Variants in ANKRD42 observed in about 807,000 individuals in gnomAD.
The protein encoded by ANKRD42 is ankyrin repeat domain-containing protein 42.
Under a neutral mutation model 51.5 loss-of-function variants are expected in ANKRD42, and 43 were observed. The observed-to-expected ratio is 0.83, with a 90% CI of 0.65 to 1.08. The LOEUF (loss-of-function observed/expected upper bound fraction) is 1.08, where lower values mean the gene tolerates loss of function less well. Ranked by LOEUF, ANKRD42 falls within the 50% of genes least tolerant of loss-of-function variation. The pLI, the probability that ANKRD42 is intolerant of heterozygous loss-of-function variation, is 0.00. For synonymous variants in ANKRD42, 203 were observed against 213.0 expected, an observed-to-expected ratio of 0.95 and a Z score of 0.41; for missense variants, 608 against 629.3, an observed-to-expected ratio of 0.97 and a Z score of 0.36.
In ANKRD42 at chr11:83,194,722, A is replaced by C; in HGVS notation, c.52A>C (p.Asn18His). ...GPSTSSRETANPCSRKKVHFG... is the reference protein window; with the variant it reads ...GPSTSSRETAHPCSRKKVHFG... ...CTCCACTTCCTCTAGGGAGACTGCAAACCCCTGTGAGTCAGACTGTCATTG... is the reference window on the plus strand; with the variant it reads ...CTCCACTTCCTCTAGGGAGACTGCACACCCCTGTGAGTCAGACTGTCATTG... The change falls in exon 1 of 11, where the codon AAC becomes CAC. Residue 18 changes from asparagine (N) to histidine (H), a missense_variant. Physicochemically the swap from Asn to His is moderately conservative, Grantham distance 68. Transcript: ENST00000533342. 1 of 1,592,944 alleles carries C rather than the reference A, an allele frequency of 6.3e-7. No individual in the cohort carries two copies. The highest frequency in any genetic ancestry group is 8.5e-7 in the Non-Finnish European group (1 of 1,169,930).
chr11:83,222,946 C>G (rs1862758414), intron 5 of ANKRD42, among the ~76,000 whole-genome samples: 1 of 152,038 alleles, frequency 6.6e-6, no homozygotes, highest in African/African-American at 2.4e-5. Context: ...TGATCTGACC[C>G]ATGTTTAAAG....
At chr11:83,242,504 G>C (rs1344478517) in intron 9 of ANKRD42, among the ~76,000 whole-genome samples, 1 of 150,310 alleles carries the variant, frequency 6.7e-6, no homozygotes, top group Non-Finnish European at 1.5e-5. Flanking sequence ...TGAGGTGTTA[G>C]AAAAAGAGGG....
At chr11:83,227,648 A>G in intron 6 of ANKRD42, 99 bp from the exon 7 acceptor site, 1 of 1,309,050 alleles carries the variant, frequency 7.6e-7, no homozygotes, top group Non-Finnish European at 1.0e-6. Flanking sequence ...ACAGCCTTAT[A>G]TTTGAGAAAA....
intron 2 of ANKRD42, among the ~76,000 whole-genome samples, chr11:83,200,620 A>G (rs915183801): frequency 5.3e-5 from 8 of 152,242 alleles, no homozygotes; most frequent in Non-Finnish European, 8.8e-5. Flanking sequence ...TCACTAGGTC[A>G]GTTGATTCTG....
chr11:83,219,478 G>A (rs1362060147), intron 5 of ANKRD42, among the ~76,000 whole-genome samples: 10 of 152,174 alleles, frequency 6.6e-5, no homozygotes, highest in East Asian at 1.9e-4. Flanking sequence ...GACAGGAGGC[G>A]TATAGTAAGT....
chr11:83,253,115 T>G (rs1040502262), downstream of ANKRD42, among the ~76,000 whole-genome samples: 5 of 152,224 alleles, frequency 3.3e-5, no homozygotes, highest in Admixed American at 3.3e-4. Context: ...AAGGTTGAAC[T>G]TTGATGTGGT....
downstream of ANKRD42, among the ~76,000 whole-genome samples, chr11:83,249,210 T>G (rs991986571): frequency 6.6e-6 from 1 of 152,094 alleles, no homozygotes. Context: ...TTGTTCTTCG[T>G]TTTTTCTTTT....
chr11:83,239,723 C>T (rs1863332200), intron 8 of ANKRD42, among the ~76,000 whole-genome samples: 1 of 152,096 alleles, frequency 6.6e-6, no homozygotes. Context: ...CTATTTTATC[C>T]ATTGGTCTAT....
At chr11:83,257,414 T>C (rs1319800434), downstream of ANKRD42, 5 of 436,592 alleles carry the variant, frequency 1.1e-5, no homozygotes, top group Admixed American at 1.3e-4. Context: ...AAAGAGGGAA[T>C]TGAAGTCAGA....
intron 8 of ANKRD42, among the ~76,000 whole-genome samples, chr11:83,238,642 C>A (rs1284557048): frequency 6.6e-6 from 1 of 152,000 alleles, no homozygotes; most frequent in African/African-American, 2.4e-5. Context: ...ATCAGGCTGA[C>A]CAACATGGAG....
downstream of ANKRD42, among the ~76,000 whole-genome samples, chr11:83,252,355 A>C (rs183975445): frequency 6.6e-6 from 1 of 152,332 alleles, no homozygotes; most frequent in East Asian, 1.9e-4. Flanking sequence ...TGGAATTAGT[A>C]CATGTTTCTT....
chr11:83,254,435 CT>C lies in ANKRD42; in HGVS notation c.1465-1396del, dbSNP rs1296141872. The stretch of plus-strand genomic sequence containing the variant: ...CCTGAGTGTTTTTCTTTTTTCTTTT[CT>C]TTTTTTTTTTTTTGAGACAGGGTCT... On this transcript the variant is annotated intron_variant, in intron 11 of 11. Coordinates refer to the ANKRD42 transcript ENST00000260047. 6.4e-4 allele frequency among the ~76,000 whole-genome samples: 87 copies of C among 136,270 alleles called. No individual in the cohort carries two copies. The South Asian group carries it at 7.0e-3, about 11-fold the overall frequency. The allele number at this position is 136,270 out of a possible 152,430, so 89.4% of individuals were successfully genotyped here. A position where few individuals can be genotyped will look rare whatever the true frequency, so the allele number is the denominator to read the frequency against.
chr11:83,243,967 C>CTTTTTTTTTTTTTT (rs66756456), intron 9 of ANKRD42, among the ~76,000 whole-genome samples: 3 of 66,962 alleles, frequency 4.5e-5, no homozygotes, highest in Admixed American at 2.1e-4. Flanking sequence ...CCTGGCTGCC[C>CTTTTTTTTTTTTTT]TTTTTTTTTT....
chr11:83,249,381 TTTTGTTTG>T (rs563061815), downstream of ANKRD42, among the ~76,000 whole-genome samples: 15 of 152,054 alleles, frequency 9.9e-5, no homozygotes, highest in African/African-American at 2.9e-4. Flanking sequence ...CAATTAGTTT[TTTTGTTTG>T]TTTGTTTGTT....
chr11:83,263,375 T>C (rs552077936), downstream of ANKRD42, among the ~76,000 whole-genome samples: 1 of 152,326 alleles, frequency 6.6e-6, no homozygotes, highest in South Asian at 2.1e-4. Flanking sequence ...CTCATGGCTG[T>C]TGTTGCAGTA....
At chr11:83,242,864 CACCACGTTTTCTTT>C in intron 9 of ANKRD42, among the ~76,000 whole-genome samples, 1 of 152,010 alleles carries the variant, frequency 6.6e-6, no homozygotes, top group Middle Eastern at 3.2e-3. Flanking sequence ...TGCCCGGCCG[CACCACGTTTTCTTT>C]ATCCGGTCTT....
In ANKRD42 at chr11:83,248,905, G is replaced by A. The variant is rs1266375476; in HGVS notation, c.*701G>A. On this transcript the variant is annotated 3_prime_UTR_variant, in exon 11 of 11. Transcript: ENST00000533342. ...ATATGCAAATATAACCACTTCCTCAGTTTCTCTGGGTTTTGGTGTCTCACC... is the reference window on the plus strand; with the variant it reads ...ATATGCAAATATAACCACTTCCTCAATTTCTCTGGGTTTTGGTGTCTCACC... 46 of 982,354 alleles carry A rather than the reference G, an allele frequency of 4.7e-5. No homozygotes were observed. Among genetic ancestry groups the A allele is most frequent in the Non-Finnish European group, 5.6e-5 (46 of 827,316 alleles). 60.9% of individuals were successfully genotyped at this position (982,354 alleles called of 1,614,324 possible). A position where few individuals can be genotyped will look rare whatever the true frequency, so the allele number is the denominator to read the frequency against.
intron 5 of ANKRD42, chr11:83,212,505 T>C: frequency 1.3e-6 from 1 of 756,890 alleles, no homozygotes; most frequent in Non-Finnish European, 2.2e-6. Flanking sequence ...TCCACCTTCT[T>C]TAAAAAGTGG....
rs748697733 is a variant in ANKRD42 at position 83,236,428 on chromosome 11, G to A, written c.938G>A (p.Cys313Tyr). 8.1e-6 allele frequency: 13 copies of A among 1,611,310 alleles called. No individual in the cohort carries two copies. In the African/African-American group the frequency reaches 1.7e-4, roughly 22 times the overall value. Residue 313 changes from cysteine to tyrosine, a missense_variant, in exon 8 of 11, where the codon TGT (cysteine) becomes TAT (tyrosine). Cys to Tyr is a radical substitution (Grantham distance 194). Transcript: ENST00000533342. Reference protein sequence around the residue: ...HKAAGQGHIECLQWLIKMGAD... With the variant: ...HKAAGQGHIEYLQWLIKMGAD... ...GCTGCTGGACAAGGCCACATAGAGT[G>A]TTTGCAGTGGTTAATTAAAATGGGA...
Sources: allele counts gnomAD v4.1 joint callset (sites outside exome capture counted in the v4.1 genomes callset), GRCh38; gene constraint gnomAD v4.1.1; transcripts MANE v1.5; gene names NCBI Gene and HGNC (gene_info 2026-07-23, HGNC 2026-07-21).